The following MGAT5B variants were observed in gnomAD, a reference collection of about 807,000 sequenced individuals.
The protein encoded by MGAT5B is N-acetylglucosaminyl-transferase Vb.
In MGAT5B, 54 loss-of-function variants were observed where a neutral mutation model predicts 95.1. That is an observed-to-expected ratio of 0.57 (90% CI 0.46 to 0.71). The LOEUF is 0.71. MGAT5B is among the 30% of genes least tolerant of loss of function. MGAT5B has a pLI of 0.00. For missense variants in MGAT5B, 935 were observed against 1,088.6 expected, an observed-to-expected ratio of 0.86 and a Z score of 1.99; for synonymous variants, 464 against 451.0, an observed-to-expected ratio of 1.03 and a Z score of -0.36.
At chr17:76,935,347 T>A (rs537915871) in intron 12 of MGAT5B, among the ~76,000 whole-genome samples, 2 of 138,060 alleles carry the variant, frequency 1.4e-5, no homozygotes, top group East Asian at 4.3e-4. Context: ...TGTAGAAACA[T>A]ATGCTTTCAT....
At chr17:76,899,708 T>C (rs148206653) in intron 3 of MGAT5B, among the ~76,000 whole-genome samples, 15 of 152,194 alleles carry the variant, frequency 9.9e-5, no homozygotes, top group African/African-American at 2.9e-4. Flanking sequence ...GTGTCCATCT[T>C]GCCCCTGTAG....
At chr17:76,924,072 C>G (rs1167005918) in intron 8 of MGAT5B, 3 of 152,174 alleles carry the variant, frequency 2.0e-5, no homozygotes, top group Non-Finnish European at 4.4e-5. Context: ...GCGGGAGGAG[C>G]TGGTTTGTAC....
At chr17:76,936,277 G>C (rs147783898) in intron 12 of MGAT5B, among the ~76,000 whole-genome samples, 1 of 152,184 alleles carries the variant, frequency 6.6e-6, no homozygotes, top group African/African-American at 2.4e-5. Context: ...GTGTGGTGGC[G>C]TGCGCCCGTA....
chr17:76,948,915 C>T lies in MGAT5B; in HGVS notation c.*77C>T. ...GGAGAAAGCACCAGCAGGTTCTGAG[C>T]CCTGGCTGCTTGTCCTCCTCGCAAC... On this transcript the variant is annotated 3_prime_UTR_variant, in exon 18 of 18. Transcript: ENST00000569840. 6.9e-7 allele frequency: 1 copy of T among 1,441,994 alleles called. No individual in the cohort carries two copies. 89.3% of individuals were successfully genotyped at this position (1,441,994 alleles called of 1,614,324 possible). A position where few individuals can be genotyped will look rare whatever the true frequency, so the allele number is the denominator to read the frequency against.
intron 3 of MGAT5B, among the ~76,000 whole-genome samples, chr17:76,887,525 CCCTCCCTTCCTT>C (rs1350119292): frequency 2.7e-5 from 2 of 74,080 alleles, no homozygotes; most frequent in Non-Finnish European, 4.5e-5. Flanking sequence ...CTCCCTCCCT[CCCTCCCTTCCTT>C]CCTTCCTTTC....
At chr17:76,943,366 G>A (rs1969925569) in intron 15 of MGAT5B, among the ~76,000 whole-genome samples, 1 of 151,944 alleles carries the variant, frequency 6.6e-6, no homozygotes, top group Non-Finnish European at 1.5e-5. Context: ...TCCCTTCTGT[G>A]GGCCCCACCC....
chr17:76,915,303 C>A lies in MGAT5B; in HGVS notation c.1025+9116C>A, dbSNP rs1449067669. The stretch of plus-strand genomic sequence containing the variant: ...CCTGAGAGGAGAGAAGGAGAAGAGA[C>A]CAGGGTATACTGTAAATGCAGCGGG... On this transcript the variant is annotated intron_variant, in intron 8 of 17. Coordinates refer to ENST00000569840, the MANE Select transcript of MGAT5B (RefSeq NM_001199172.2). This position sits in a 1 kb window ranked among gnomAD's most constrained non-coding sequence, Gnocchi z 8.7. 1.3e-5 allele frequency among the ~76,000 whole-genome samples: 2 copies of A among 151,088 alleles called. No individual in the cohort carries two copies. The highest frequency in any genetic ancestry group is 3.9e-4 in the East Asian group (2 of 5,096).
intron 8 of MGAT5B, among the ~76,000 whole-genome samples, chr17:76,920,101 C>G (rs1188863910): frequency 6.6e-6 from 1 of 152,192 alleles, no homozygotes; most frequent in Non-Finnish European, 1.5e-5. Context: ...TTCTAACCAG[C>G]CAGTTTGGCA....
intron 2 of MGAT5B, 34 bp downstream of exon 2, chr17:76,872,997 G>T (rs775696403): frequency 6.2e-7 from 1 of 1,607,730 alleles, no homozygotes. Context: ...TGTGAGATGA[G>T]TGAGGGCGTT....
intron 8 of MGAT5B, among the ~76,000 whole-genome samples, chr17:76,921,741 G>A (rs1010432075): frequency 2.6e-5 from 4 of 152,210 alleles, no homozygotes; most frequent in Non-Finnish European, 2.9e-5. Context: ...GGAAGCCTCG[G>A]AAAGGGTCAG....
intron 9 of MGAT5B, 129 bp from the exon 10 acceptor site, chr17:76,926,468 G>C: frequency 3.4e-6 from 3 of 882,396 alleles, no homozygotes; most frequent in Non-Finnish European, 5.1e-6. Context: ...CCTAGTCCAA[G>C]TGCTAACACA....
At chr17:76,887,995 GCTC>G (rs1191939085) in intron 3 of MGAT5B, among the ~76,000 whole-genome samples, 5 of 151,958 alleles carry the variant, frequency 3.3e-5, no homozygotes, top group Admixed American at 3.3e-4. Flanking sequence ...TGTCCCTCTG[GCTC>G]CTCCTGCTGG....
intron 3 of MGAT5B, among the ~76,000 whole-genome samples, chr17:76,900,903 G>A (rs1481077566): frequency 8.8e-6 from 1 of 113,860 alleles, no homozygotes; most frequent in Non-Finnish European, 1.7e-5. Flanking sequence ...GTGTGCATGT[G>A]TGTGTGTGCG....
At position 76,926,642 on chromosome 17, in the gene MGAT5B, C is replaced by G; in HGVS notation, c.1203C>G (p.Tyr401Ter). Residue 401 changes from tyrosine to a stop codon, truncating the protein, a stop_gained, in exon 10 of 18, where the codon TAC becomes TAG. Transcript: ENST00000569840. LOFTEE classifies it high-confidence loss of function. ...VIDTFGTEPA[Y>*]NHEEYATLHG... The stretch of plus-strand genomic sequence containing the variant: ...ACACCTTCGGGACGGAACCTGCGTA[C>G]AACCACGAGGAGTACGCCACGCTGC... 1 of 1,612,662 alleles carries G rather than the reference C, an allele frequency of 6.2e-7. No homozygotes were observed. The highest frequency in any genetic ancestry group is 8.5e-7 in the Non-Finnish European group (1 of 1,179,914).
intron 15 of MGAT5B, among the ~76,000 whole-genome samples, chr17:76,944,716 G>T (rs1247671441): frequency 2.0e-5 from 3 of 152,228 alleles, no homozygotes; most frequent in Non-Finnish European, 4.4e-5. Context: ...CCGGCTTCAA[G>T]GACATCAGTG....
chr17:76,948,624 G>C lies in MGAT5B; in HGVS notation c.2181-16G>C. On this transcript the variant is annotated splice_polypyrimidine_tract_variant and intron_variant, in intron 17 of 17. Transcript: ENST00000569840. ...GTGACCAACGCTGAGTGACGGTGCT[G>C]TGTGGTCCCTGCCAGGCTGCAGGTG... The C allele has an allele frequency of 1.2e-6, 2 of 1,605,270 alleles. No homozygotes were observed. The highest frequency in any genetic ancestry group is 1.7e-5 in the Admixed American group (1 of 58,608).
chr17:76,935,913 ATT>A (rs1969652334), intron 12 of MGAT5B, among the ~76,000 whole-genome samples: 2 of 139,320 alleles, frequency 1.4e-5, no homozygotes, highest in African/African-American at 2.6e-5. Flanking sequence ...CATTATATAT[ATT>A]ATATATTATA....
intron 3 of MGAT5B, among the ~76,000 whole-genome samples, chr17:76,899,868 C>T (rs1968242271): frequency 6.6e-6 from 1 of 151,994 alleles, no homozygotes; most frequent in South Asian, 2.1e-4. Flanking sequence ...GTTCTTGAAA[C>T]AATCTTAGCT....
intron 15 of MGAT5B, among the ~76,000 whole-genome samples, chr17:76,944,640 C>T (rs1381416511): frequency 6.6e-6 from 1 of 152,148 alleles, no homozygotes; most frequent in African/African-American, 2.4e-5. Context: ...TCCGGGACTT[C>T]GAACTTGCCC....
Sources: gnomAD v4.1 joint callset for allele counts (sites outside exome capture counted in the v4.1 genomes callset) on GRCh38, gnomAD v4.1.1 for gene constraint, Gnocchi (gnomAD v3.1) non-coding constraint, MANE v1.5 for transcripts, NCBI Gene and HGNC (gene_info 2026-07-23, HGNC 2026-07-21) for gene names.